ARHGAP15: variants seen among roughly 807,000 people sequenced by gnomAD.
ARHGAP15 encodes Rho GTPase activating protein 15, also known as rho GTPase-activating protein 15.
Under a neutral mutation model 63.7 loss-of-function variants are expected in ARHGAP15, and 51 were observed. The observed-to-expected ratio is 0.80, with a 90% CI of 0.64 to 1.01. The LOEUF (loss-of-function observed/expected upper bound fraction) is 1.01, where lower values mean the gene tolerates loss of function less well. ARHGAP15 is among the 50% of genes least tolerant of loss of function. ARHGAP15 has a pLI of 0.00. For synonymous variants in ARHGAP15, 191 were observed against 193.8 expected, an observed-to-expected ratio of 0.99 and a Z score of 0.12; for missense variants, 560 against 564.6, an observed-to-expected ratio of 0.99 and a Z score of 0.08.
chr2:143,534,772 A>G (rs1370642493), intron 10 of ARHGAP15, among the ~76,000 whole-genome samples: 2 of 152,026 alleles, frequency 1.3e-5, no homozygotes, highest in African/African-American at 4.8e-5. Context: ...GTCGCCAGCT[A>G]CTTGAGAGCC....
intron 11 of ARHGAP15, among the ~76,000 whole-genome samples, chr2:143,586,469 T>C (rs1697112627): frequency 6.6e-6 from 1 of 152,068 alleles, no homozygotes; most frequent in Non-Finnish European, 1.5e-5. Flanking sequence ...TTTATGTCTT[T>C]AATCTTTTTC....
At chr2:143,540,859 C>T (rs187361900) in intron 10 of ARHGAP15, among the ~76,000 whole-genome samples, 4 of 152,142 alleles carry the variant, frequency 2.6e-5, no homozygotes, top group African/African-American at 4.8e-5. Context: ...TGTGTCTTGG[C>T]GTTGCTCTTC....
At chr2:143,609,963 G>A (rs181132917) in intron 11 of ARHGAP15, among the ~76,000 whole-genome samples, 6 of 152,196 alleles carry the variant, frequency 3.9e-5, no homozygotes. Context: ...TCTTCCTTTG[G>A]GCTTTAAAGA....
intron 12 of ARHGAP15, among the ~76,000 whole-genome samples, chr2:143,665,052 C>T (rs1359974100): frequency 5.9e-5 from 9 of 151,996 alleles, no homozygotes; most frequent in Non-Finnish European, 1.3e-4. Flanking sequence ...AGAGAATCCT[C>T]CCTAACTCAT....
chr2:143,428,587 G>A (rs147202212), intron 6 of ARHGAP15, among the ~76,000 whole-genome samples: 24 of 151,902 alleles, frequency 1.6e-4, no homozygotes, highest in African/African-American at 5.3e-4. Context: ...TATAGTAAAA[G>A]GCACAAAAAT....
At chr2:143,711,029 C>T (rs1684557736) in intron 13 of ARHGAP15, among the ~76,000 whole-genome samples, 1 of 152,180 alleles carries the variant, frequency 6.6e-6, no homozygotes, top group South Asian at 2.1e-4. Flanking sequence ...GGCCCACAGG[C>T]CACACTCAGC....
At chr2:143,195,443 A>C (rs1312574924) in intron 2 of ARHGAP15, among the ~76,000 whole-genome samples, 2 of 152,202 alleles carry the variant, frequency 1.3e-5, no homozygotes, top group African/African-American at 2.4e-5. Context: ...GACATGGATA[A>C]ATTTTACATG....
intron 12 of ARHGAP15, among the ~76,000 whole-genome samples, chr2:143,687,082 T>C (rs142564086): frequency 1.6e-4 from 25 of 152,258 alleles, no homozygotes; most frequent in African/African-American, 5.5e-4. Flanking sequence ...TGAGGCAAAA[T>C]TAAAGTTTAG....
At chr2:143,470,951 CAT>C (rs576517705) in intron 8 of ARHGAP15, among the ~76,000 whole-genome samples, 27 of 137,560 alleles carry the variant, frequency 2.0e-4, no homozygotes, top group Admixed American at 9.6e-4. Flanking sequence ...TATATACACA[CAT>C]GTGTATCATA....
At chr2:143,754,538 C>T (rs969516538) in intron 13 of ARHGAP15, among the ~76,000 whole-genome samples, 4 of 152,192 alleles carry the variant, frequency 2.6e-5, no homozygotes, top group African/African-American at 9.6e-5. Flanking sequence ...TACTTAACTG[C>T]TCCTGATATA....
intron 6 of ARHGAP15, among the ~76,000 whole-genome samples, chr2:143,369,948 C>T (rs1686469323): frequency 6.6e-6 from 1 of 152,078 alleles, no homozygotes. Flanking sequence ...AATTGGGATT[C>T]ATATCTGTTT....
chr2:143,227,069 G>T (rs1228531683), intron 4 of ARHGAP15, among the ~76,000 whole-genome samples: 1 of 152,146 alleles, frequency 6.6e-6, no homozygotes, highest in East Asian at 1.9e-4. Flanking sequence ...CAACTGTTTT[G>T]AAGTGAATGT....
intron 11 of ARHGAP15, among the ~76,000 whole-genome samples, chr2:143,623,049 T>A (rs1698700451): frequency 6.6e-6 from 1 of 152,218 alleles, no homozygotes; most frequent in Non-Finnish European, 1.5e-5. Context: ...TCTCAGCTTT[T>A]CAGTTAACCC....
intron 12 of ARHGAP15, among the ~76,000 whole-genome samples, chr2:143,662,107 T>A (rs1308658732): frequency 1.3e-5 from 2 of 152,240 alleles, no homozygotes; most frequent in Non-Finnish European, 2.9e-5. Context: ...AGGCTCCACC[T>A]CTGGGGGCAG....
intron 12 of ARHGAP15, among the ~76,000 whole-genome samples, chr2:143,657,950 A>G (rs1379869924): frequency 6.6e-6 from 1 of 152,192 alleles, no homozygotes; most frequent in East Asian, 1.9e-4. Flanking sequence ...CCCTGTCATA[A>G]CAGTTCTCTC....
At chr2:143,686,415 A>T (rs1683350515) in intron 12 of ARHGAP15, among the ~76,000 whole-genome samples, 1 of 123,382 alleles carries the variant, frequency 8.1e-6, no homozygotes, top group Admixed American at 8.4e-5. Context: ...AAAAAAAAAA[A>T]AGCCCTTGCA....
chr2:143,431,958 C>T (rs1440828547), intron 6 of ARHGAP15, among the ~76,000 whole-genome samples: 2 of 151,986 alleles, frequency 1.3e-5, no homozygotes, highest in Non-Finnish European at 2.9e-5. Context: ...CCATGTGCAT[C>T]TGAAGTCAGT....
chr2:143,716,620 G>A (rs928133242), intron 13 of ARHGAP15, among the ~76,000 whole-genome samples: 3 of 152,100 alleles, frequency 2.0e-5, no homozygotes, highest in Non-Finnish European at 4.4e-5. Context: ...AAAGAAATTT[G>A]GTTCCCTTGT....
In ARHGAP15 at chr2:143,599,051, G is replaced by A. The variant is rs1243433419; in HGVS notation, c.1004-25082G>A. ...AAACATTGGAAAGGAAGGGAGAGTAGGGGTACATTGTTCAGGGTTGCAAAG... is the reference window on the plus strand; with the variant it reads ...AAACATTGGAAAGGAAGGGAGAGTAAGGGTACATTGTTCAGGGTTGCAAAG... On this transcript the variant is annotated intron_variant, in intron 11 of 13. Transcript: ENST00000295095. 1.3e-5 allele frequency among the ~76,000 whole-genome samples: 2 copies of A among 152,088 alleles called. 1 individual carries two copies. The highest frequency in any genetic ancestry group is 3.9e-4 in the East Asian group (2 of 5,164).
Sources: allele counts gnomAD v4.1 joint callset (sites outside exome capture counted in the v4.1 genomes callset), GRCh38; gene constraint gnomAD v4.1.1; transcripts MANE v1.5; gene names NCBI Gene and HGNC (gene_info 2026-07-23, HGNC 2026-07-21).